ZNF808: variants seen among roughly 807,000 people sequenced by gnomAD.
ZNF808 encodes zinc finger protein 808.
A neutral mutation model predicts 8.7 loss-of-function variants in ZNF808; 5 were observed. The observed-to-expected ratio is 0.58, with a 90% CI of 0.30 to 1.21. The LOEUF is 1.21. ZNF808 is among the 50% of genes most tolerant of loss of function. The probability of loss-of-function intolerance (pLI) is 0.07; values close to 1 mark genes in which losing one functional copy is unlikely to be tolerated. For synonymous variants in ZNF808, 380 were observed against 366.0 expected (o/e 1.04, Z -0.44); for missense variants, 1,103 against 1,098.4 (o/e 1.00, Z -0.06).
chr19:52,554,013 C>A lies in ZNF808; in HGVS notation c.1097C>A (p.Thr366Asn), dbSNP rs765754461. ...SHLSRHQRLHTGVKPYKCKIC... is the reference protein window; with the variant it reads ...SHLSRHQRLHNGVKPYKCKIC... ...CTTTCACGCCATCAAAGACTTCATA[C>A]TGGAGTGAAACCTTACAAATGTAAG... The change falls in exon 5 of 5, where the codon ACT (threonine) becomes AAT (asparagine). Residue 366 changes from threonine to asparagine, a missense_variant. Coordinates refer to ENST00000359798, the MANE Select transcript of ZNF808 (RefSeq NM_001039886.4). 1.3e-5 allele frequency: 21 copies of A among 1,613,986 alleles called. No homozygotes were observed. Among genetic ancestry groups the A allele is most frequent in the African/African-American group, 4.0e-5 (3 of 74,916 alleles).
Position 52,554,601 on chromosome 19 carries a change from C to A in ZNF808, c.1685C>A (p.Thr562Asn). The A allele has an allele frequency of 6.2e-7, 1 of 1,613,588 alleles. No homozygotes were observed. The highest frequency in any genetic ancestry group is 1.1e-5 in the South Asian group (1 of 90,976). ...CTGGCTGTACATACTAGAATTCACA[C>A]TGCAAAGAAACCTTACAAGTGTAAT... Reference protein sequence around the residue: ...SVLAVHTRIHTAKKPYKCNEC... With the variant: ...SVLAVHTRIHNAKKPYKCNEC... The change falls in exon 5 of 5, where the codon ACT becomes AAT. Residue 562 changes from threonine to asparagine, a missense_variant. Coordinates refer to ENST00000359798, the MANE Select transcript of ZNF808 (RefSeq NM_001039886.4).
downstream of ZNF808, among the ~76,000 whole-genome samples, chr19:52,568,193 G>A (rs1391841880): frequency 1.3e-5 from 2 of 152,118 alleles, no homozygotes; most frequent in Non-Finnish European, 2.9e-5. Context: ...CCAACATGGG[G>A]AAACCCCGTC....
intron 2 of ZNF808, among the ~76,000 whole-genome samples, chr19:52,533,821 T>G (rs1474600588): frequency 9.6e-6 from 1 of 104,224 alleles, no homozygotes; most frequent in Admixed American, 1.6e-4. Context: ...GTAGCCTGGG[T>G]GACAAAGTGA....
Position 52,555,410 on chromosome 19 carries a change from T to G in ZNF808, c.2494T>G (p.Ser832Ala). 6.2e-7 allele frequency: 1 copy of G among 1,614,096 alleles called. No individual in the cohort carries two copies. Among genetic ancestry groups the G allele is most frequent in the Non-Finnish European group, 8.5e-7 (1 of 1,179,986 alleles). Reference protein sequence around the residue: ...NECGKAFNEQSHLSRHHRIHT... With the variant: ...NECGKAFNEQAHLSRHHRIHT... ...ATGTGGAAAGGCTTTTAATGAACAA[T>G]CACACCTTTCACGTCATCATAGAAT... Residue 832 changes from serine (S) to alanine (A), a missense_variant, in exon 5 of 5, where the codon TCA becomes GCA. Physicochemically the swap from Ser to Ala is moderately conservative, Grantham distance 99 (BLOSUM62 1). Coordinates refer to ENST00000359798, the MANE Select transcript of ZNF808 (RefSeq NM_001039886.4).
At chr19:52,559,200 C>T (rs909441037), downstream of ZNF808, among the ~76,000 whole-genome samples, 13 of 151,578 alleles carry the variant, frequency 8.6e-5, no homozygotes, top group Non-Finnish European at 1.9e-4. Flanking sequence ...CCTGCTGGTC[C>T]CTGGACAATG....
intron 1 of ZNF808, among the ~76,000 whole-genome samples, chr19:52,530,475 G>A (rs531045727): frequency 1.6e-4 from 25 of 151,944 alleles, no homozygotes; most frequent in African/African-American, 5.8e-4. Context: ...CAGCCTGGCT[G>A]ACACAGTGAA....
At chr19:52,558,017 CTTTTTTTT>C (rs66789100), downstream of ZNF808, among the ~76,000 whole-genome samples, 9 of 46,366 alleles carry the variant, frequency 1.9e-4, no homozygotes, top group Admixed American at 1.3e-3. Flanking sequence ...CTAGGTGTGG[CTTTTTTTT>C]TTTTTTTTTT....
At chr19:52,559,188 C>T (rs1166061134), downstream of ZNF808, among the ~76,000 whole-genome samples, 1 of 151,820 alleles carries the variant, frequency 6.6e-6, no homozygotes, top group Non-Finnish European at 1.5e-5. Context: ...AGGCATCTGT[C>T]TCCTGCTGGT....
At chr19:52,562,796 CAG>C (rs2059862192) in intron 3 of ZNF808, among the ~76,000 whole-genome samples, 1 of 150,962 alleles carries the variant, frequency 6.6e-6, no homozygotes, top group South Asian at 2.1e-4. Context: ...TTTTTGGAGA[CAG>C]AGTCTTGCCC....
In ZNF808 at chr19:52,553,574, C is replaced by G; in HGVS notation, c.658C>G (p.Gln220Glu). The G allele has an allele frequency of 6.2e-7, 1 of 1,614,134 alleles. No individual in the cohort carries two copies. The highest frequency in any genetic ancestry group is 8.5e-7 in the Non-Finnish European group (1 of 1,180,014). ...NNPLNSSLLP[Q>E]KQEVHMREKS... ...TCCCCTGAATTCTTCATTACTCCCA[C>G]AAAAACAGGAAGTACACATGAGAGA... The change falls in exon 5 of 5, where the codon CAA becomes GAA. Residue 220 changes from glutamine to glutamate, a missense_variant. Coordinates refer to ENST00000359798, the MANE Select transcript of ZNF808 (RefSeq NM_001039886.4).
At chr19:52,546,461 A>T (rs901550737) in intron 3 of ZNF808, among the ~76,000 whole-genome samples, 1 of 152,094 alleles carries the variant, frequency 6.6e-6, no homozygotes, top group Non-Finnish European at 1.5e-5. Flanking sequence ...CTGGGATTAC[A>T]GGCATGAGCC....
intron 1 of ZNF808, among the ~76,000 whole-genome samples, chr19:52,529,399 G>T (rs1455536156): frequency 2.0e-5 from 3 of 152,044 alleles, no homozygotes; most frequent in Non-Finnish European, 2.9e-5. Flanking sequence ...AAAATGGGGC[G>T]AGAGACTGGG....
At chr19:52,535,354 A>AAG (rs1303182304) in intron 2 of ZNF808, among the ~76,000 whole-genome samples, 6 of 143,238 alleles carry the variant, frequency 4.2e-5, no homozygotes, top group South Asian at 2.2e-4. Context: ...AAAAAAAAAA[A>AAG]AGAGAGAAAA....
At position 52,552,893 on chromosome 19, in the gene ZNF808, T is replaced by G. The variant is rs1225654576; in HGVS notation, c.191-214T>G. Among the ~76,000 whole-genome samples the G allele has an allele frequency of 1.3e-5, 2 of 152,336 alleles. 1 individual carries two copies. Among genetic ancestry groups the G allele is most frequent in the South Asian group, 4.1e-4 (2 of 4,828 alleles). On this transcript the variant is annotated intron_variant, in intron 4 of 4. Transcript: ENST00000359798. ...TTTGTGCCCTGTCAGTGTTTTGTCATGATATAGGAAATAGACTTTCATAGA... is the reference window on the plus strand; with the variant it reads ...TTTGTGCCCTGTCAGTGTTTTGTCAGGATATAGGAAATAGACTTTCATAGA...
At chr19:52,547,138 G>C (rs1201866730) in intron 3 of ZNF808, among the ~76,000 whole-genome samples, 1 of 151,814 alleles carries the variant, frequency 6.6e-6, no homozygotes, top group African/African-American at 2.4e-5. Flanking sequence ...AGTAGAGACA[G>C]GTTTTCACCA....
exon 4 of ZNF808, chr19:52,564,409 G>C: frequency 3.1e-6 from 1 of 324,878 alleles, no homozygotes; most frequent in Non-Finnish European, 5.6e-6. Flanking sequence ...ATAAACATGT[G>C]AGACCTTTCA....
At chr19:52,556,962 T>G (rs1369510951), downstream of ZNF808, among the ~76,000 whole-genome samples, 1 of 151,998 alleles carries the variant, frequency 6.6e-6, no homozygotes, top group African/African-American at 2.4e-5. Context: ...CACCCATGTA[T>G]TCTTTTGCTT....
rs1331078421 is a variant in ZNF808 at position 52,533,921 on chromosome 19, AAACATCAAAT to A, written c.-20+913_-20+922del. On this transcript the variant is annotated intron_variant, in intron 2 of 4. Coordinates refer to ENST00000359798, the MANE Select transcript of ZNF808 (RefSeq NM_001039886.4). ...GTCTCAGTAGGAAATTAAGTAATTC[AAACATCAAAT>A]GATTCCAATTTAAAGCTATGGACAT... 2.2e-3 allele frequency among the ~76,000 whole-genome samples: 338 copies of A among 151,092 alleles called. 1 individual carries two copies. The highest frequency in any genetic ancestry group is 8.1e-3 in the African/African-American group (328 of 40,666).
intron 2 of ZNF808, 38 bp from the exon 3 acceptor site, chr19:52,543,228 C>T (rs1267193042): frequency 6.2e-7 from 1 of 1,601,374 alleles, no homozygotes; most frequent in East Asian, 2.2e-5. Context: ...GGGAGTGAGT[C>T]ATTTCTAACA....
Sources: allele counts gnomAD v4.1 joint callset (sites outside exome capture counted in the v4.1 genomes callset), GRCh38; gene constraint gnomAD v4.1.1; transcripts MANE v1.5; gene names NCBI Gene and HGNC (gene_info 2026-07-23, HGNC 2026-07-21).